The following PCNX2 variants were observed in gnomAD, a reference collection of about 807,000 sequenced individuals.
PCNX2 encodes pecanex-like protein 2.
A neutral mutation model predicts 223.8 loss-of-function variants in PCNX2; 168 were observed. That is an observed-to-expected ratio of 0.75 (90% confidence interval 0.66 to 0.85). PCNX2 has a LOEUF of 0.85. Ranked by LOEUF, PCNX2 falls within the 40% of genes least tolerant of loss-of-function variation. The probability of loss-of-function intolerance (pLI) is 0.00; values close to 1 mark genes in which losing one functional copy is unlikely to be tolerated. For missense variants in PCNX2, 2,507 were observed against 2,675.5 expected (o/e 0.94, Z 1.39); for synonymous variants, 1,006 against 1,052.6 (o/e 0.96, Z 0.86).
the PCNX2 span, among the ~76,000 whole-genome samples, chr1:233,313,013 T>C: frequency 3.9e-5 from 6 of 152,096 alleles, no homozygotes; most frequent in Non-Finnish European, 8.8e-5. Flanking sequence ...CTTATAACTC[T>C]AACATTATCT....
At chr1:233,117,478 A>G (rs1675478832) in intron 21 of PCNX2, among the ~76,000 whole-genome samples, 1 of 151,606 alleles carries the variant, frequency 6.6e-6, no homozygotes, top group South Asian at 2.1e-4. Context: ...AAAAATACAA[A>G]AAATTAGCCG....
At chr1:233,100,450 A>G (rs554003480) in intron 21 of PCNX2, among the ~76,000 whole-genome samples, 66 of 151,510 alleles carry the variant, frequency 4.4e-4, no homozygotes, top group Admixed American at 8.6e-4. Flanking sequence ...GAAAATCACA[A>G]TGGAGTAATT....
chr1:233,100,156 T>C (rs1252660126), intron 21 of PCNX2, among the ~76,000 whole-genome samples: 1 of 152,194 alleles, frequency 6.6e-6, no homozygotes, highest in Non-Finnish European at 1.5e-5. Context: ...CTCACGCCTG[T>C]AATCCCAGCA....
chr1:232,986,311 C>T lies in PCNX2; in HGVS notation c.6021G>A (p.Leu2007=), dbSNP rs1327135517. The change falls in exon 33 of 34, where the codon CTG becomes CTA. Residue 2007 remains leucine (L), a synonymous_variant. Coordinates refer to ENST00000258229, the MANE Select transcript of PCNX2 (RefSeq NM_014801.4). ...QPPPVTTTGH[L]SVRERAEALI... ...GCGCCTCGGCCCGCTCACGGACACT[C>T]AGGTGGCCGGTGGTGGTGACGGGCG... The T allele has an allele frequency of 1.3e-6, 2 of 1,582,704 alleles. No individual in the cohort carries two copies. Among genetic ancestry groups the T allele is most frequent in the East Asian group, 2.3e-5 (1 of 43,198 alleles).
intron 6 of PCNX2, 38 bp downstream of exon 6, chr1:233,252,603 A>T (rs1659523886): frequency 6.2e-7 from 1 of 1,601,486 alleles, no homozygotes. Context: ...CTCATGCTTT[A>T]TGACCAAGTG....
chr1:233,101,844 A>G (rs1674497952), intron 21 of PCNX2, among the ~76,000 whole-genome samples: 1 of 152,182 alleles, frequency 6.6e-6, no homozygotes, highest in African/African-American at 2.4e-5. Flanking sequence ...AGCAAATTAT[A>G]AAAAACTTCA....
intron 12 of PCNX2, among the ~76,000 whole-genome samples, chr1:233,213,244 T>C (rs1681917531): frequency 6.6e-6 from 1 of 152,174 alleles, no homozygotes; most frequent in African/African-American, 2.4e-5. Context: ...ATCAGACTAA[T>C]AATTTTCAGG....
chr1:233,218,035 A>G lies in PCNX2; in HGVS notation c.2654T>C (p.Leu885Pro), dbSNP rs975198135. Residue 885 changes from leucine (L) to proline (P), a missense_variant, in exon 11 of 34, where the codon CTA (leucine) becomes CCA (proline). This residue lies in a region of PCNX2 where 104 missense variants were observed against 144.4 expected (regional missense o/e 0.72). Transcript: ENST00000258229. ...LVMASCQYSL[L>P]KSVQPDPASP... ...AAGAATTAGATGTGGTCTTGCCTTT[A>G]GCAGGGAGTACTGGCAGCTGGCCAT... is the stretch of plus-strand genomic sequence containing the variant. 1.2e-6 allele frequency: 2 copies of G among 1,609,006 alleles called. No individual in the cohort carries two copies. Among genetic ancestry groups the G allele is most frequent in the Non-Finnish European group, 1.7e-6 (2 of 1,177,672 alleles).
Position 233,295,658 on chromosome 1 carries a change from G to A in PCNX2, c.-180C>T. 1.5e-6 allele frequency: 1 copy of A among 663,302 alleles called. No homozygotes were observed. The highest frequency in any genetic ancestry group is 2.1e-6 in the Non-Finnish European group (1 of 470,188). The allele number at this position is 663,302 out of a possible 1,614,324, so 41.1% of individuals were successfully genotyped here. On this transcript the variant is annotated 5_prime_UTR_variant, in exon 1 of 34. Coordinates refer to ENST00000258229, the MANE Select transcript of PCNX2 (RefSeq NM_014801.4). The surrounding 1 kb of genome is among the most constrained non-coding windows in gnomAD (Gnocchi z 4.1). Reference sequence around the variant, plus strand: ...TGAAGCTGGAGCTGCTCTTCCGCCCGGACCCGCGAACCGCGGCGCCGGAGC... The same window carrying A: ...TGAAGCTGGAGCTGCTCTTCCGCCCAGACCCGCGAACCGCGGCGCCGGAGC...
intron 23 of PCNX2, among the ~76,000 whole-genome samples, chr1:233,063,168 C>T (rs72762086): frequency 0.11 from 16,024 of 151,976 alleles, 934 homozygotes; most frequent in East Asian, 0.16. Context: ...ACCTGGGAGG[C>T]GAGGCTGCAG....
intron 1 of PCNX2, among the ~76,000 whole-genome samples, chr1:233,273,259 T>C (rs550152230): frequency 6.7e-6 from 1 of 150,244 alleles, no homozygotes; most frequent in South Asian, 2.1e-4. Flanking sequence ...TGAAAATGAG[T>C]TGCATTAATA....
Position 233,090,096 on chromosome 1 carries a change from A to G in PCNX2, c.4041T>C (p.Tyr1347=). The G allele has an allele frequency of 1.2e-6, 2 of 1,613,956 alleles. No individual in the cohort carries two copies. The highest frequency in any genetic ancestry group is 1.3e-5 in the African/African-American group (1 of 75,040). ...FLGSVIFITS[Y]VRPVKFWEKN... ...TCTCCCAGAATTTCACTGGCCTGAC[A>G]TATGATGTGATGAAAATGACACTCC... The change falls in exon 23 of 34, where the codon TAT becomes TAC. Residue 1347 remains tyrosine (Y), a synonymous_variant. Coordinates refer to ENST00000258229, the MANE Select transcript of PCNX2 (RefSeq NM_014801.4).
intron 1 of PCNX2, among the ~76,000 whole-genome samples, chr1:233,273,573 A>G (rs1660756266): frequency 6.6e-6 from 1 of 152,046 alleles, no homozygotes; most frequent in South Asian, 2.1e-4. Flanking sequence ...GGATTGTCCA[A>G]TAGGTTTCTG....
intron 13 of PCNX2, among the ~76,000 whole-genome samples, chr1:233,203,387 G>A (rs1171694961): frequency 6.6e-6 from 1 of 152,148 alleles, no homozygotes; most frequent in African/African-American, 2.4e-5. Flanking sequence ...GGAAATGAGT[G>A]CGGACTAATA....
chr1:233,119,668 G>C (rs1675653200), intron 21 of PCNX2, among the ~76,000 whole-genome samples: 1 of 151,212 alleles, frequency 6.6e-6, no homozygotes, highest in African/African-American at 2.4e-5. Context: ...AAAAACAGGA[G>C]AAAATCTTGG....
intron 21 of PCNX2, among the ~76,000 whole-genome samples, chr1:233,122,069 A>G (rs1454620982): frequency 1.4e-5 from 2 of 145,874 alleles, no homozygotes; most frequent in Non-Finnish European, 3.0e-5. Flanking sequence ...AGAAAGTTAG[A>G]AAGTACACAC....
chr1:232,993,906 G>A (rs1201655963), intron 32 of PCNX2, among the ~76,000 whole-genome samples: 1 of 152,220 alleles, frequency 6.6e-6, no homozygotes, highest in African/African-American at 2.4e-5. Context: ...GTGGTGTTGG[G>A]CCTAAGAGTG....
At chr1:233,246,426 C>CCTGTCCA (rs1659128610) in intron 8 of PCNX2, among the ~76,000 whole-genome samples, 1 of 152,222 alleles carries the variant, frequency 6.6e-6, no homozygotes, top group Non-Finnish European at 1.5e-5. Flanking sequence ...GGGAGACTCA[C>CCTGTCCA]CTGTCCACTG....
At chr1:233,293,901 C>T (rs541681180) in intron 1 of PCNX2, 137 of 944,218 alleles carry the variant, frequency 1.5e-4, no homozygotes, top group Admixed American at 6.8e-4. Context: ...TATGCTGTCC[C>T]TCTAGGAAAA....
Sources: allele counts gnomAD v4.1 joint callset (sites outside exome capture counted in the v4.1 genomes callset), GRCh38; gene constraint gnomAD v4.1.1; regional missense constraint gnomAD v4.1.1; non-coding constraint Gnocchi (gnomAD v3.1); transcripts MANE v1.5; gene names NCBI Gene and HGNC (gene_info 2026-07-23, HGNC 2026-07-21).